TNFRSF11A: variants seen among roughly 807,000 people sequenced by gnomAD.
TNFRSF11A encodes TNF receptor superfamily member 11a, also known as tumor necrosis factor receptor superfamily member 11A.
In TNFRSF11A, 32 loss-of-function variants were observed where a neutral mutation model predicts 55.7. The ratio of observed to expected loss-of-function variants is 0.57; its 90% CI spans 0.43 to 0.77. The LOEUF (loss-of-function observed/expected upper bound fraction) is 0.77, where lower values mean the gene tolerates loss of function less well. Among genes scored for constraint, TNFRSF11A ranks in the 30% least tolerant of loss-of-function variants. The probability of loss-of-function intolerance (pLI) is 0.00; values close to 1 mark genes in which losing one functional copy is unlikely to be tolerated. For synonymous variants in TNFRSF11A, 311 were observed against 331.0 expected, an observed-to-expected ratio of 0.94 and a Z score of 0.65; for missense variants, 753 against 809.8, an observed-to-expected ratio of 0.93 and a Z score of 0.85.
intron 1 of TNFRSF11A, among the ~76,000 whole-genome samples, chr18:62,342,129 GGT>G (rs142060415): frequency 0.058 from 8,823 of 151,824 alleles, 359 homozygotes; most frequent in Admixed American, 0.1. Flanking sequence ...GACTGGGTGT[GGT>G]GTCTCACGCC....
At chr18:62,341,695 C>G (rs569715811) in intron 1 of TNFRSF11A, among the ~76,000 whole-genome samples, 1 of 152,278 alleles carries the variant, frequency 6.6e-6, no homozygotes, top group East Asian at 1.9e-4. Flanking sequence ...GGAGGCAGAA[C>G]CTTTGTGTTT....
At chr18:62,384,442 CCT>C (rs1037703536) in intron 9 of TNFRSF11A, among the ~76,000 whole-genome samples, 1 of 138,880 alleles carries the variant, frequency 7.2e-6, no homozygotes, top group African/African-American at 2.9e-5. Context: ...CCCTTTCTTT[CCT>C]CTCCTCCTCC....
chr18:62,359,400 G>C (rs1909502575), intron 5 of TNFRSF11A, among the ~76,000 whole-genome samples: 2 of 151,506 alleles, frequency 1.3e-5, no homozygotes, highest in Non-Finnish European at 1.5e-5. Context: ...TTTTTCTTGA[G>C]ACATGATCTC....
In TNFRSF11A at chr18:62,385,604, AC is replaced by A. The variant is rs1742229436; in HGVS notation, c.*572del. On this transcript the variant is annotated 3_prime_UTR_variant, in exon 10 of 10. Transcript: ENST00000586569. ...CAATCCAAGTGATCCTCCCACCTCAACCTTCGGAGTAGCTGGGATCACAGCT... is the reference window on the plus strand; with the variant it reads ...CAATCCAAGTGATCCTCCCACCTCAACTTCGGAGTAGCTGGGATCACAGCT... 1 of 151,276 alleles carries A rather than the reference AC, an allele frequency of 6.6e-6. No homozygotes were observed. Among genetic ancestry groups the A allele is most frequent in the Non-Finnish European group, 1.5e-5 (1 of 67,880 alleles). 9.4% of individuals were successfully genotyped at this position (151,276 alleles called of 1,614,324 possible). A position where few individuals can be genotyped will look rare whatever the true frequency, so the allele number is the denominator to read the frequency against.
At chr18:62,341,719 G>A (rs911280674) in intron 1 of TNFRSF11A, among the ~76,000 whole-genome samples, 16 of 151,922 alleles carry the variant, frequency 1.1e-4, no homozygotes, top group Admixed American at 5.9e-4. Context: ...CAGTCTGGCC[G>A]TTTGCCAGTG....
intron 1 of TNFRSF11A, among the ~76,000 whole-genome samples, chr18:62,333,713 T>A (rs1328934114): frequency 6.6e-6 from 1 of 152,102 alleles, no homozygotes; most frequent in Non-Finnish European, 1.5e-5. Flanking sequence ...TAGTCAACTC[T>A]GTGATGGGGT....
chr18:62,384,692 A>C (rs1911560651), intron 9 of TNFRSF11A, 59 bp from the exon 10 acceptor site: 6 of 1,583,894 alleles, frequency 3.8e-6, no homozygotes, highest in African/African-American at 1.3e-5. Context: ...TCCTCTCGGC[A>C]GACCCTGCCT....
chr18:62,360,296 C>T (rs1225873176), intron 6 of TNFRSF11A, among the ~76,000 whole-genome samples: 1 of 152,088 alleles, frequency 6.6e-6, no homozygotes, highest in Non-Finnish European at 1.5e-5. Context: ...GAAAATAGAG[C>T]TGCAAACATA....
At chr18:62,341,395 A>C (rs563030475) in intron 1 of TNFRSF11A, among the ~76,000 whole-genome samples, 7 of 152,352 alleles carry the variant, frequency 4.6e-5, no homozygotes, top group African/African-American at 1.7e-4. Flanking sequence ...AATCAGGTTA[A>C]AAGTGCACAA....
intron 1 of TNFRSF11A, among the ~76,000 whole-genome samples, chr18:62,343,093 T>C (rs989196240): frequency 6.6e-5 from 10 of 152,260 alleles, no homozygotes; most frequent in Non-Finnish European, 2.9e-5. Context: ...TTAAGTGAAG[T>C]GTTGTTTTCA....
chr18:62,380,160 T>G (rs1333206461), intron 9 of TNFRSF11A, among the ~76,000 whole-genome samples: 1 of 152,236 alleles, frequency 6.6e-6, no homozygotes, highest in East Asian at 1.9e-4. Flanking sequence ...CATAAGACCT[T>G]GTGCGGCTGC....
chr18:62,352,345 A>G (rs1465431531), intron 3 of TNFRSF11A, among the ~76,000 whole-genome samples: 1 of 152,186 alleles, frequency 6.6e-6, no homozygotes, highest in African/African-American at 2.4e-5. Flanking sequence ...TTTTTCCCCA[A>G]TGGACAGAAT....
At chr18:62,347,098 C>T (rs2046394609) in intron 1 of TNFRSF11A, among the ~76,000 whole-genome samples, 1 of 152,212 alleles carries the variant, frequency 6.6e-6, no homozygotes, top group Non-Finnish European at 1.5e-5. Context: ...GCTGCTTCTG[C>T]TTCCTTCCTA....
Position 62,377,432 on chromosome 18 carries a change from A to G in TNFRSF11A, c.1568-7319A>G, listed in dbSNP as rs148795497. ...GAGTATGATTGCTGGATCATATGAT[A>G]ACTGTATGTTCAGTTTTGTAAGAAG... On this transcript the variant is annotated intron_variant, in intron 9 of 9. Coordinates refer to ENST00000586569, the MANE Select transcript of TNFRSF11A (RefSeq NM_003839.4). Among the ~76,000 whole-genome samples, 252 of 152,288 alleles carry G rather than the reference A, an allele frequency of 1.7e-3. 1 individual carries two copies. The highest frequency in any genetic ancestry group is 5.7e-3 in the African/African-American group (238 of 41,550).
chr18:62,356,588 TC>T (rs1185198413), intron 4 of TNFRSF11A, among the ~76,000 whole-genome samples: 1 of 152,200 alleles, frequency 6.6e-6, no homozygotes, highest in Non-Finnish European at 1.5e-5. Flanking sequence ...TTCACTCCTG[TC>T]CCACCCTGCA....
At position 62,385,163 on chromosome 18, in the gene TNFRSF11A, T is replaced by G; in HGVS notation, c.*129T>G. 2 of 1,080,610 alleles carry G rather than the reference T, an allele frequency of 1.9e-6. No homozygotes were observed. The highest frequency in any genetic ancestry group is 2.4e-6 in the Non-Finnish European group (2 of 818,688). The allele number at this position is 1,080,610 out of a possible 1,614,324, so 66.9% of individuals were successfully genotyped here. On this transcript the variant is annotated 3_prime_UTR_variant, in exon 10 of 10. Transcript: ENST00000586569. ...TCGAGGAAGACCACCCGGCATTCTC[T>G]GCCCACTTTGCCTTCCAGGAAATGG...
In TNFRSF11A at chr18:62,389,613, C is replaced by G. The variant is rs1911918309; in HGVS notation, c.*4579C>G. 6.7e-6 allele frequency: 1 copy of G among 150,046 alleles called. No homozygotes were observed. Among genetic ancestry groups the G allele is most frequent in the Non-Finnish European group, 1.5e-5 (1 of 66,648 alleles). The allele number at this position is 150,046 out of a possible 1,614,324, so 9.3% of individuals were successfully genotyped here. On this transcript the variant is annotated 3_prime_UTR_variant, in exon 10 of 10. Transcript: ENST00000586569. ...TGCACAGCTGTGAGTCCAGTTTTCT[C>G]TCTTCCTACCTCCCTCTTACCCAGT... is the stretch of plus-strand genomic sequence containing the variant.
intron 7 of TNFRSF11A, 125 bp downstream of exon 7, chr18:62,361,918 A>T (rs1436490656): frequency 3.4e-6 from 3 of 886,458 alleles, no homozygotes; most frequent in Non-Finnish European, 5.5e-6. Context: ...AAAGCAAAAC[A>T]CGTTTTATCA....
intron 1 of TNFRSF11A, among the ~76,000 whole-genome samples, chr18:62,338,653 G>A (rs2046268533): frequency 6.6e-6 from 1 of 152,148 alleles, no homozygotes; most frequent in Non-Finnish European, 1.5e-5. Context: ...GTGGTTTCCA[G>A]GAGCTTGAGG....
Sources: gnomAD v4.1 joint callset for allele counts (sites outside exome capture counted in the v4.1 genomes callset) on GRCh38, gnomAD v4.1.1 for gene constraint, MANE v1.5 for transcripts, NCBI Gene and HGNC (gene_info 2026-07-23, HGNC 2026-07-21) for gene names.